Variants in BMPR1B observed in about 807,000 individuals in gnomAD.
The protein encoded by BMPR1B is bone morphogenetic protein receptor type-1B.
Under a neutral mutation model 59.1 loss-of-function variants are expected in BMPR1B, and 12 were observed. The observed-to-expected ratio is 0.20, with a 90% CI of 0.13 to 0.33. The LOEUF (loss-of-function observed/expected upper bound fraction) is 0.33, where lower values mean the gene tolerates loss of function less well. BMPR1B is among the 10% of genes least tolerant of loss of function. The pLI is 1.00. For missense variants in BMPR1B, 550 were observed against 610.9 expected (o/e 0.90, Z 1.05); for synonymous variants, 237 against 207.3 (o/e 1.14, Z -1.23).
chr4:95,082,907 G>A (rs1247764344), intron 3 of BMPR1B, among the ~76,000 whole-genome samples: 1 of 151,542 alleles, frequency 6.6e-6, no homozygotes, highest in Non-Finnish European at 1.5e-5. Context: ...GTGTGGTGGC[G>A]GGCGCCTGTA....
At chr4:94,852,380 T>C (rs771167095) in intron 1 of BMPR1B, among the ~76,000 whole-genome samples, 5 of 152,192 alleles carry the variant, frequency 3.3e-5, no homozygotes, top group Admixed American at 6.5e-5. Context: ...ATGTCTAATT[T>C]TGAGGAATGA....
chr4:95,088,019 T>C (rs183637638), intron 3 of BMPR1B, among the ~76,000 whole-genome samples: 16 of 152,284 alleles, frequency 1.1e-4, no homozygotes, highest in Non-Finnish European at 2.2e-4. Context: ...TATAATTATA[T>C]TATAAAATAA....
intron 1 of BMPR1B, among the ~76,000 whole-genome samples, chr4:94,835,492 T>C (rs1438739341): frequency 6.6e-6 from 1 of 152,202 alleles, no homozygotes; most frequent in African/African-American, 2.4e-5. Context: ...TGAATGACCC[T>C]GTAATAAGCT....
chr4:94,873,616 G>A (rs1283262679), intron 1 of BMPR1B, among the ~76,000 whole-genome samples: 2 of 151,996 alleles, frequency 1.3e-5, no homozygotes, highest in Non-Finnish European at 1.5e-5. Context: ...CACCATGTTG[G>A]CCAAGATGGT....
At position 95,148,928 on chromosome 4, in the gene BMPR1B, G is replaced by A; in HGVS notation, c.1252+5G>A. ...CTAGGAGATGTGTATCAGGAGGTAA[G>A]AAACAGTGCTGTCTTTGAAAAGCTA... On this transcript the variant is annotated splice_donor_5th_base_variant and intron_variant, in intron 11 of 12. Coordinates refer to ENST00000515059, the MANE Select transcript of BMPR1B (RefSeq NM_001203.3). 6.2e-7 allele frequency: 1 copy of A among 1,613,854 alleles called. No individual in the cohort carries two copies. The highest frequency in any genetic ancestry group is 8.5e-7 in the Non-Finnish European group (1 of 1,179,800).
intron 1 of BMPR1B, among the ~76,000 whole-genome samples, chr4:94,794,754 C>G (rs560659657): frequency 2.6e-5 from 4 of 151,932 alleles, no homozygotes; most frequent in Non-Finnish European, 5.9e-5. Context: ...AAATTGGATT[C>G]CTAGGTATTT....
rs554153310 is a variant in BMPR1B, at chr4:95,109,816, C to T, written c.144-4904C>T. Among the ~76,000 whole-genome samples the T allele has an allele frequency of 2.7e-5, 4 of 150,776 alleles. No individual in the cohort carries two copies. The East Asian group carries it at 6.0e-4, about 22-fold the overall frequency. ...TGTTGGTGTGCTGCACCCATTAACTCGTCATTTAGCATTAGGTGTATCTCC... is the reference window on the plus strand; with the variant it reads ...TGTTGGTGTGCTGCACCCATTAACTTGTCATTTAGCATTAGGTGTATCTCC... On this transcript the variant is annotated intron_variant, in intron 4 of 12. Transcript: ENST00000515059.
At chr4:94,968,360 G>GT (rs1264727283) in intron 2 of BMPR1B, among the ~76,000 whole-genome samples, 9 of 151,200 alleles carry the variant, frequency 6.0e-5, no homozygotes, top group Admixed American at 2.0e-4. Context: ...TGTTGTTGTT[G>GT]TTTTTTTTAA....
intron 1 of BMPR1B, among the ~76,000 whole-genome samples, chr4:94,849,374 G>C (rs771605055): frequency 3.3e-5 from 5 of 152,128 alleles, no homozygotes; most frequent in Non-Finnish European, 7.4e-5. Context: ...GTTGAGGGAC[G>C]CCTGATTGGG....
intron 3 of BMPR1B, among the ~76,000 whole-genome samples, chr4:95,102,583 C>G (rs1246891960): frequency 6.6e-6 from 1 of 151,990 alleles, no homozygotes; most frequent in Non-Finnish European, 1.5e-5. Flanking sequence ...CATTGAGAAC[C>G]AGGTTTAGAA....
chr4:95,087,913 A>G (rs1489671042), intron 3 of BMPR1B, among the ~76,000 whole-genome samples: 1 of 152,180 alleles, frequency 6.6e-6, no homozygotes, highest in Non-Finnish European at 1.5e-5. Flanking sequence ...GTTTCTTAAG[A>G]GAATGTCAAG....
chr4:94,886,254 T>G (rs1230043395), intron 2 of BMPR1B, among the ~76,000 whole-genome samples: 2 of 152,216 alleles, frequency 1.3e-5, no homozygotes, highest in East Asian at 3.8e-4. Context: ...ACTATTACAA[T>G]TTGATAAAAG....
intron 10 of BMPR1B, among the ~76,000 whole-genome samples, chr4:95,140,041 G>C (rs755893536): frequency 2.4e-4 from 36 of 152,138 alleles, no homozygotes; most frequent in Non-Finnish European, 3.8e-4. Flanking sequence ...GACTGGAGCT[G>C]TTCCTATTCG....
intron 1 of BMPR1B, among the ~76,000 whole-genome samples, chr4:94,803,864 AAC>A (rs1491021518): frequency 7.4e-6 from 1 of 135,012 alleles, no homozygotes; most frequent in African/African-American, 3.0e-5. Context: ...AAAGAAAAAA[AAC>A]ACATTATTTT....
intron 2 of BMPR1B, among the ~76,000 whole-genome samples, chr4:94,877,964 G>A (rs1049172932): frequency 6.6e-6 from 1 of 152,134 alleles, no homozygotes; most frequent in Non-Finnish European, 1.5e-5. Context: ...GTGTGCGTGT[G>A]TGTGTGTATA....
chr4:95,131,582 G>C, intron 10 of BMPR1B, 70 bp downstream of exon 10: 1 of 1,533,834 alleles, frequency 6.5e-7, no homozygotes, highest in Non-Finnish European at 9.0e-7. Flanking sequence ...GTAGCGCAGT[G>C]CTTCTAGGAT....
intron 1 of BMPR1B, among the ~76,000 whole-genome samples, chr4:94,772,482 A>G (rs572282456): frequency 6.6e-6 from 1 of 152,170 alleles, no homozygotes; most frequent in Non-Finnish European, 1.5e-5. Flanking sequence ...GTAAAATAGC[A>G]AATTTGCTTT....
chr4:95,080,914 A>C (rs1042724576), intron 3 of BMPR1B, among the ~76,000 whole-genome samples: 31 of 152,314 alleles, frequency 2.0e-4, no homozygotes, highest in African/African-American at 7.2e-4. Context: ...ATTTTTCAGC[A>C]ACTGAGAATC....
chr4:94,970,690 A>G, intron 2 of BMPR1B, among the ~76,000 whole-genome samples: 1 of 152,254 alleles, frequency 6.6e-6, no homozygotes, highest in East Asian at 1.9e-4. Context: ...TATGGGGTAT[A>G]TGTGATATTT....
Sources: allele counts gnomAD v4.1 joint callset (sites outside exome capture counted in the v4.1 genomes callset), GRCh38; gene constraint gnomAD v4.1.1; transcripts MANE v1.5; gene names NCBI Gene and HGNC (gene_info 2026-07-23, HGNC 2026-07-21).